Variants in PPP1R12B observed in about 807,000 individuals in gnomAD.
PPP1R12B encodes the protein protein phosphatase 1 regulatory subunit 12B.
Under a neutral mutation model 126.1 loss-of-function variants are expected in PPP1R12B, and 76 were observed. That is an observed-to-expected ratio of 0.60 (90% CI 0.50 to 0.73). The LOEUF (loss-of-function observed/expected upper bound fraction) is 0.73. Among genes scored for constraint, PPP1R12B ranks in the 30% least tolerant of loss-of-function variants. PPP1R12B has a pLI of 0.00. For synonymous variants in PPP1R12B, 356 were observed against 434.7 expected (o/e 0.82, Z 2.25); for missense variants, 1,052 against 1,205.1 (o/e 0.87, Z 1.88).
At chr1:202,563,659 C>G (rs1687758211) in intron 20 of PPP1R12B, among the ~76,000 whole-genome samples, 1 of 149,918 alleles carries the variant, frequency 6.7e-6, no homozygotes. Context: ...AGAAAATCAT[C>G]ATCACTTTAC....
At chr1:202,446,829 T>G (rs796254402) in intron 12 of PPP1R12B, among the ~76,000 whole-genome samples, 9 of 152,110 alleles carry the variant, frequency 5.9e-5, no homozygotes, top group African/African-American at 2.2e-4. Context: ...CAGAGCTGGC[T>G]TAGTAGCTCC....
intron 14 of PPP1R12B, among the ~76,000 whole-genome samples, chr1:202,489,703 G>C (rs1016975440): frequency 1.3e-5 from 2 of 152,208 alleles, no homozygotes; most frequent in African/African-American, 4.8e-5. Flanking sequence ...CTGGGGGGAA[G>C]GCAGAATGGT....
intron 13 of PPP1R12B, among the ~76,000 whole-genome samples, chr1:202,486,500 C>T (rs181322567): frequency 5.6e-4 from 85 of 152,220 alleles, no homozygotes; most frequent in African/African-American, 2.0e-3. Flanking sequence ...GAAATGAACC[C>T]TTTATTTAAA....
At chr1:202,474,768 T>G (rs533539654) in intron 13 of PPP1R12B, among the ~76,000 whole-genome samples, 1 of 152,286 alleles carries the variant, frequency 6.6e-6, no homozygotes, top group African/African-American at 2.4e-5. Flanking sequence ...AAAATTAAAT[T>G]TAAAATTTAG....
intron 2 of PPP1R12B, among the ~76,000 whole-genome samples, chr1:202,421,293 A>ATC (rs76517346): frequency 4.8e-5 from 7 of 147,308 alleles, no homozygotes; most frequent in Non-Finnish European, 1.0e-4. Flanking sequence ...GCCATATATT[A>ATC]TCTCTCTCTT....
intron 10 of PPP1R12B, chr1:202,439,806 C>T (rs769560165): frequency 2.4e-6 from 1 of 424,134 alleles, no homozygotes; most frequent in Non-Finnish European, 4.4e-6. Context: ...CACTCCCCTT[C>T]TCCTGCTGGG....
intron 1 of PPP1R12B, among the ~76,000 whole-genome samples, chr1:202,400,894 G>A (rs1665725233): frequency 6.6e-6 from 1 of 152,182 alleles, no homozygotes; most frequent in African/African-American, 2.4e-5. Flanking sequence ...ACTAAATCAG[G>A]GGTCAGCAAA....
chr1:202,486,254 TA>T (rs1211977785), intron 13 of PPP1R12B, among the ~76,000 whole-genome samples: 1 of 152,052 alleles, frequency 6.6e-6, no homozygotes, highest in Non-Finnish European at 1.5e-5. Context: ...AGATAAATAT[TA>T]AACCCCATAT....
intron 18 of PPP1R12B, among the ~76,000 whole-genome samples, chr1:202,545,196 G>A (rs937893393): frequency 6.6e-6 from 1 of 152,214 alleles, no homozygotes; most frequent in Non-Finnish European, 1.5e-5. Flanking sequence ...AAAAGCAGGA[G>A]TGTATTCGTT....
chr1:202,474,049 G>C (rs905505753), intron 13 of PPP1R12B: 2 of 483,366 alleles, frequency 4.1e-6, no homozygotes, highest in Non-Finnish European at 4.3e-6. Flanking sequence ...GAGTATAAAT[G>C]CTGCAGTTGG....
At chr1:202,437,006 G>A (rs749076031) in intron 9 of PPP1R12B, among the ~76,000 whole-genome samples, 31 of 152,216 alleles carry the variant, frequency 2.0e-4, no homozygotes, top group Non-Finnish European at 3.7e-4. Flanking sequence ...TTAAATCACT[G>A]TATCATAGTA....
chr1:202,449,993 T>C (rs1218236587), intron 13 of PPP1R12B, among the ~76,000 whole-genome samples: 3 of 152,220 alleles, frequency 2.0e-5, no homozygotes, highest in Non-Finnish European at 4.4e-5. Flanking sequence ...GCTGTCGTTA[T>C]GGATTTAAGC....
At chr1:202,356,526 A>G (rs1332725290) in intron 1 of PPP1R12B, among the ~76,000 whole-genome samples, 1 of 152,214 alleles carries the variant, frequency 6.6e-6, no homozygotes, top group Non-Finnish European at 1.5e-5. Flanking sequence ...GACTTTGGGG[A>G]TATGATTAAT....
intron 13 of PPP1R12B, among the ~76,000 whole-genome samples, chr1:202,483,712 A>G (rs572722970): frequency 1.6e-4 from 25 of 152,366 alleles, no homozygotes; most frequent in African/African-American, 5.5e-4. Context: ...GGAGTTCACT[A>G]CATTTAACAC....
intron 23 of PPP1R12B, chr1:202,577,098 G>A (rs1689163872): frequency 6.6e-6 from 1 of 152,200 alleles, no homozygotes; most frequent in Non-Finnish European, 1.5e-5. Context: ...TGAGCACTGT[G>A]ACTTCCTTGT....
chr1:202,561,298 A>T (rs1687494535), intron 19 of PPP1R12B, among the ~76,000 whole-genome samples: 1 of 152,146 alleles, frequency 6.6e-6, no homozygotes, highest in African/African-American at 2.4e-5. Flanking sequence ...ATTGTTTATA[A>T]TAGCTAAAAA....
chr1:202,534,432 A>G lies in PPP1R12B; in HGVS notation c.2491-24445A>G, dbSNP rs140412183. On this transcript the variant is annotated intron_variant, in intron 18 of 23. Transcript: ENST00000608999. Reference sequence around the variant, plus strand: ...GCTCTTCCCAGGCCCCTTTCAGTGGACAGAGCTAGGAAAGACATACATATG... The same window carrying G: ...GCTCTTCCCAGGCCCCTTTCAGTGGGCAGAGCTAGGAAAGACATACATATG... Among the ~76,000 whole-genome samples, 9 of 152,344 alleles carry G rather than the reference A, an allele frequency of 5.9e-5. No homozygotes were observed. In the East Asian group the frequency reaches 1.7e-3, roughly 29 times the overall value.
intron 1 of PPP1R12B, among the ~76,000 whole-genome samples, chr1:202,399,075 G>A (rs1665424353): frequency 6.6e-6 from 1 of 152,050 alleles, no homozygotes; most frequent in African/African-American, 2.4e-5. Flanking sequence ...TAAGATATCT[G>A]CTACCAACTA....
At chr1:202,505,924 G>A (rs1203726097) in intron 18 of PPP1R12B, among the ~76,000 whole-genome samples, 1 of 151,994 alleles carries the variant, frequency 6.6e-6, no homozygotes, top group Non-Finnish European at 1.5e-5. Flanking sequence ...TGAGAAATTT[G>A]ATAACATGAT....
Sources: allele counts gnomAD v4.1 joint callset (sites outside exome capture counted in the v4.1 genomes callset), GRCh38; gene constraint gnomAD v4.1.1; transcripts MANE v1.5; gene names NCBI Gene and HGNC (gene_info 2026-07-23, HGNC 2026-07-21).